The following LRRC4C variants were observed in gnomAD, a reference collection of about 807,000 sequenced individuals.
LRRC4C encodes leucine-rich repeat-containing protein 4C.
A neutral mutation model predicts 33.6 loss-of-function variants in LRRC4C; 5 were observed. That is an observed-to-expected ratio of 0.15 (90% CI 0.08 to 0.31). The LOEUF is 0.31. Among genes scored for constraint, LRRC4C ranks in the 10% least tolerant of loss-of-function variants. LRRC4C has a pLI of 1.00. For synonymous variants in LRRC4C, 329 were observed against 302.0 expected (o/e 1.09, Z -0.93); for missense variants, 560 against 796.7 (o/e 0.70, Z 3.58).
chr11:41,455,689 A>T (rs1209453832), intron 1 of LRRC4C, among the ~76,000 whole-genome samples: 1 of 152,184 alleles, frequency 6.6e-6, no homozygotes, highest in Non-Finnish European at 1.5e-5. Context: ...AACACATTAC[A>T]TTTCTACATA....
chr11:41,224,641 G>A (rs1947450848), intron 1 of LRRC4C, among the ~76,000 whole-genome samples: 1 of 152,156 alleles, frequency 6.6e-6, no homozygotes, highest in South Asian at 2.1e-4. Context: ...ACATGAATTT[G>A]TATCCCAGTT....
intron 2 of LRRC4C, among the ~76,000 whole-genome samples, chr11:40,705,448 C>T (rs946023581): frequency 5.3e-5 from 8 of 151,754 alleles, no homozygotes; most frequent in African/African-American, 1.9e-4. Context: ...TGAGTGAGAA[C>T]ATGCAGTGTT....
chr11:40,837,032 A>AG (rs1952702478), intron 2 of LRRC4C, among the ~76,000 whole-genome samples: 1 of 152,274 alleles, frequency 6.6e-6, no homozygotes, highest in African/African-American at 2.4e-5. Context: ...CTCTTAAAGA[A>AG]CGGTGTTAAA....
At chr11:40,813,775 A>G (rs186942992) in intron 2 of LRRC4C, among the ~76,000 whole-genome samples, 3 of 152,290 alleles carry the variant, frequency 2.0e-5, no homozygotes, top group Admixed American at 2.0e-4. Context: ...CAAATGGGAG[A>G]AACTGGCAAA....
intron 3 of LRRC4C, among the ~76,000 whole-genome samples, chr11:40,505,308 C>T (rs1954979891): frequency 6.6e-6 from 1 of 152,168 alleles, no homozygotes; most frequent in Admixed American, 6.6e-5. Context: ...CACCTTACTT[C>T]CTGAAGTTGC....
At chr11:40,768,470 T>A (rs1949590369) in intron 2 of LRRC4C, among the ~76,000 whole-genome samples, 1 of 151,934 alleles carries the variant, frequency 6.6e-6, no homozygotes, top group East Asian at 1.9e-4. Context: ...TCCAAACTTC[T>A]ACCCCACCCA....
intron 1 of LRRC4C, among the ~76,000 whole-genome samples, chr11:41,430,556 G>A (rs1016701374): frequency 6.6e-6 from 1 of 152,046 alleles, no homozygotes; most frequent in Non-Finnish European, 1.5e-5. Context: ...AAATGCATAG[G>A]AAATCATCAA....
chr11:40,954,516 G>A (rs371101657), intron 1 of LRRC4C, among the ~76,000 whole-genome samples: 1 of 151,742 alleles, frequency 6.6e-6, no homozygotes, highest in African/African-American at 2.4e-5. Flanking sequence ...ATTTGAGTAG[G>A]GCTAGGACCT....
At position 41,356,664 on chromosome 11, in the gene LRRC4C, C is replaced by T. The variant is rs142697969; in HGVS notation, c.-496+102767G>A. ...GGGTTAGGAAGTGGGATGTTAGACACTGTGAATTCAGACAGTTCACACTTC... is the reference window on the plus strand; with the variant it reads ...GGGTTAGGAAGTGGGATGTTAGACATTGTGAATTCAGACAGTTCACACTTC... On this transcript the variant is annotated intron_variant, in intron 1 of 6. Transcript: ENST00000528697. 5.9e-4 allele frequency among the ~76,000 whole-genome samples: 90 copies of T among 152,236 alleles called. 1 individual carries two copies. In the East Asian group the frequency reaches 0.016, roughly 27 times the overall value.
At chr11:40,494,964 T>A (rs182148501) in intron 3 of LRRC4C, among the ~76,000 whole-genome samples, 1 of 152,336 alleles carries the variant, frequency 6.6e-6, no homozygotes, top group Admixed American at 6.5e-5. Context: ...TGTATCGCTC[T>A]CATAGAATCT....
In LRRC4C at chr11:40,763,053, ATATATATATG is replaced by A. The variant is rs904173026; in HGVS notation, c.-406-114785_-406-114776del. On this transcript the variant is annotated intron_variant, in intron 2 of 6. Coordinates refer to ENST00000528697, the MANE Select transcript of LRRC4C (RefSeq NM_001258419.2). ...CATTTAAAAATCCCTCTCTCCAAAT[ATATATATATG>A]TATATATATGTATACACACACATAT... is the stretch of plus-strand genomic sequence containing the variant. 3.6e-3 allele frequency among the ~76,000 whole-genome samples: 533 copies of A among 150,078 alleles called. 7 individuals carry two copies. Among genetic ancestry groups the A allele is most frequent in the African/African-American group, 0.012 (502 of 41,074 alleles).
At chr11:40,277,824 C>T (rs972778617) in intron 4 of LRRC4C, among the ~76,000 whole-genome samples, 15 of 152,058 alleles carry the variant, frequency 9.9e-5, no homozygotes, top group South Asian at 2.1e-4. Flanking sequence ...GCAAACACTC[C>T]ATAAATGTTA....
At chr11:41,236,403 CA>C (rs766997563) in intron 1 of LRRC4C, among the ~76,000 whole-genome samples, 3 of 151,916 alleles carry the variant, frequency 2.0e-5, no homozygotes, top group Admixed American at 6.6e-5. Context: ...TCCAAAATAA[CA>C]GTAACAAAAC....
At chr11:41,018,842 A>G (rs901092425) in intron 1 of LRRC4C, among the ~76,000 whole-genome samples, 2 of 151,926 alleles carry the variant, frequency 1.3e-5, no homozygotes, top group African/African-American at 4.8e-5. Context: ...TCTTAACTAG[A>G]CCATTTTCGG....
Position 40,243,912 on chromosome 11 carries a change from C to A in LRRC4C, c.-175-2314G>T, listed in dbSNP as rs1481189397. Among the ~76,000 whole-genome samples, 4 of 148,186 alleles carry A rather than the reference C, an allele frequency of 2.7e-5. No homozygotes were observed. The South Asian group carries it at 8.5e-4, about 32-fold the overall frequency. On this transcript the variant is annotated intron_variant, in intron 4 of 6. Transcript: ENST00000528697. ...ACGGAGTTTCACCATGTTGGCCAGG[C>A]TGGTTTTGAACTCCTGACTTCAAGT...
At chr11:40,940,482 C>T (rs1958093419) in intron 1 of LRRC4C, among the ~76,000 whole-genome samples, 1 of 152,206 alleles carries the variant, frequency 6.6e-6, no homozygotes, top group Middle Eastern at 3.4e-3. Flanking sequence ...TGCCTATGTT[C>T]TTAGATAAGA....
At chr11:40,776,228 TA>T (rs1436456254) in intron 2 of LRRC4C, among the ~76,000 whole-genome samples, 1 of 152,060 alleles carries the variant, frequency 6.6e-6, no homozygotes, top group Non-Finnish European at 1.5e-5. Flanking sequence ...TATTGGCCTG[TA>T]ATTTTCTTTT....
intron 2 of LRRC4C, among the ~76,000 whole-genome samples, chr11:40,744,776 T>G (rs933334849): frequency 5.3e-5 from 8 of 152,176 alleles, no homozygotes; most frequent in African/African-American, 1.9e-4. Context: ...TCCAAAACTA[T>G]TTGACAGCAA....
chr11:40,943,301 T>C (rs768328490), intron 1 of LRRC4C, among the ~76,000 whole-genome samples: 8 of 152,150 alleles, frequency 5.3e-5, no homozygotes, highest in Non-Finnish European at 8.8e-5. Flanking sequence ...AGGAGCAAAG[T>C]GATGCTTAAG....
Sources: gnomAD v4.1 joint callset for allele counts (sites outside exome capture counted in the v4.1 genomes callset) on GRCh38, gnomAD v4.1.1 for gene constraint, MANE v1.5 for transcripts, NCBI Gene and HGNC (gene_info 2026-07-23, HGNC 2026-07-21) for gene names.